NEK6: variants seen among roughly 807,000 people sequenced by gnomAD.
NEK6 encodes NIMA related kinase 6.
Under a neutral mutation model 43.5 loss-of-function variants are expected in NEK6, and 27 were observed. The ratio of observed to expected loss-of-function variants is 0.62; its 90% confidence interval spans 0.46 to 0.86. The LOEUF is 0.86. Ranked by LOEUF, NEK6 falls within the 40% of genes least tolerant of loss-of-function variation. NEK6 has a pLI of 0.00. For missense variants in NEK6, 318 were observed against 414.4 expected (o/e 0.77, Z 2.02); for synonymous variants, 167 against 164.1 (o/e 1.02, Z -0.14).
At chr9:124,337,395 A>G (rs1829351411) in intron 7 of NEK6, among the ~76,000 whole-genome samples, 1 of 152,098 alleles carries the variant, frequency 6.6e-6, no homozygotes, top group Admixed American at 6.5e-5. Context: ...CTTTTTCCTC[A>G]TTCACTTTTT....
At chr9:124,303,083 G>C (rs1833079613) in intron 2 of NEK6, among the ~76,000 whole-genome samples, 1 of 152,240 alleles carries the variant, frequency 6.6e-6, no homozygotes, top group African/African-American at 2.4e-5. Flanking sequence ...CAAGGCACCT[G>C]ATCCGGGGCC....
At chr9:124,287,710 G>A (rs1832226371) in intron 1 of NEK6, among the ~76,000 whole-genome samples, 2 of 152,074 alleles carry the variant, frequency 1.3e-5, no homozygotes, top group African/African-American at 4.8e-5. Flanking sequence ...GTATAACCCT[G>A]GATACTTGGG....
Position 124,339,677 on chromosome 9 carries a change from T to C in NEK6, c.717+12T>C, listed in dbSNP as rs1230957595. The stretch of plus-strand genomic sequence containing the variant: ...GTCTGCTGTACGAGGTGAGTCTCTG[T>C]CCGTGGCTCAGCAGCATTTGGTGGG... On this transcript the variant is annotated intron_variant, in intron 8 of 9. Transcript: ENST00000320246. The C allele has an allele frequency of 6.3e-7, 1 of 1,594,068 alleles. No homozygotes were observed. Among genetic ancestry groups the C allele is most frequent in the African/African-American group, 1.3e-5 (1 of 74,622 alleles).
chr9:124,325,455 C>T (rs908341351), intron 5 of NEK6, among the ~76,000 whole-genome samples: 2 of 152,220 alleles, frequency 1.3e-5, no homozygotes, highest in Non-Finnish European at 2.9e-5. Flanking sequence ...ACCAGCAGGC[C>T]CACAGCGCCG....
At chr9:124,322,266 G>GT (rs1834103934) in intron 5 of NEK6, among the ~76,000 whole-genome samples, 2 of 152,048 alleles carry the variant, frequency 1.3e-5, no homozygotes, top group Non-Finnish European at 2.9e-5. Flanking sequence ...TTGAGTGACT[G>GT]TTCGAGTCAC....
At chr9:124,280,298 A>AGTT (rs1831839648) in intron 1 of NEK6, among the ~76,000 whole-genome samples, 2 of 152,144 alleles carry the variant, frequency 1.3e-5, no homozygotes, top group African/African-American at 4.8e-5. Flanking sequence ...ACTGGGGCCC[A>AGTT]CCCTGCCCCT....
Position 124,321,582 on chromosome 9 carries a change from C to T in NEK6, c.405+13C>T, listed in dbSNP as rs368004939. 2.6e-5 allele frequency: 40 copies of T among 1,553,780 alleles called. No individual in the cohort carries two copies. The highest frequency in any genetic ancestry group is 2.8e-5 in the Non-Finnish European group (31 of 1,125,510). The stretch of plus-strand genomic sequence containing the variant: ...GCAGATGATCAAGGTGAGCGCCTGG[C>T]GGGGTGGGGGTGCTGGGGGCTGCGC... On this transcript the variant is annotated intron_variant, in intron 5 of 9. Transcript: ENST00000320246.
chr9:124,282,215 G>T lies in NEK6; in HGVS notation c.-29-19721G>T, dbSNP rs116085670. On this transcript the variant is annotated intron_variant, in intron 1 of 9. Coordinates refer to ENST00000320246, the MANE Select transcript of NEK6 (RefSeq NM_014397.6). The stretch of plus-strand genomic sequence containing the variant: ...TGGAGGCTCTGACAAAGCACCTGCC[G>T]TGCCTTTTTCTGGCTTCTGGCAGGC... Among the ~76,000 whole-genome samples, 423 of 152,334 alleles carry T rather than the reference G, an allele frequency of 2.8e-3. 2 individuals are homozygous for T. Among genetic ancestry groups the T allele is most frequent in the African/African-American group, 9.8e-3 (408 of 41,584 alleles).
chr9:124,299,571 G>A (rs1221460753), intron 1 of NEK6, among the ~76,000 whole-genome samples: 5 of 152,144 alleles, frequency 3.3e-5, no homozygotes, highest in African/African-American at 7.2e-5. Flanking sequence ...TGGAGACACC[G>A]AGGGTGCCAT....
chr9:124,349,336 A>AGCTGTGCAACTGGAGCT (rs1564668085), intron 9 of NEK6, among the ~76,000 whole-genome samples: 1 of 152,218 alleles, frequency 6.6e-6, no homozygotes, highest in Non-Finnish European at 1.5e-5. Context: ...AGAAGCTTGA[A>AGCTGTGCAACTGGAGCT]GCTGTGCAAC....
intron 1 of NEK6, 104 bp from the exon 2 acceptor site, chr9:124,301,832 T>C: frequency 1.1e-6 from 1 of 935,790 alleles, no homozygotes. Context: ...ACTGAACGGC[T>C]TTGCACCTCA....
At chr9:124,296,263 G>A (rs1391619989) in intron 1 of NEK6, among the ~76,000 whole-genome samples, 1 of 152,256 alleles carries the variant, frequency 6.6e-6, no homozygotes, top group East Asian at 1.9e-4. Flanking sequence ...GTGTGCCTGA[G>A]TGTGAAGCCA....
intron 7 of NEK6, 138 bp from the exon 8 acceptor site, chr9:124,339,433 A>C: frequency 1.4e-6 from 1 of 699,620 alleles, no homozygotes; most frequent in Non-Finnish European, 2.6e-6. Flanking sequence ...GCCCAGGCCC[A>C]GAGAGGGAGA....
intron 1 of NEK6, among the ~76,000 whole-genome samples, chr9:124,285,935 G>A (rs748735467): frequency 6.6e-6 from 1 of 152,224 alleles, no homozygotes; most frequent in Non-Finnish European, 1.5e-5. Flanking sequence ...TGCATAGAAC[G>A]ATGCTGGGTA....
chr9:124,350,621 G>C (rs1363633508), intron 9 of NEK6, among the ~76,000 whole-genome samples: 1 of 152,176 alleles, frequency 6.6e-6, no homozygotes, highest in Non-Finnish European at 1.5e-5. Context: ...TTTGGGACTA[G>C]ACAGGCCTGG....
In NEK6 at chr9:124,326,083, T is replaced by C. The variant is rs770396776; in HGVS notation, c.406-247T>C. 2.6e-5 allele frequency among the ~76,000 whole-genome samples: 4 copies of C among 152,226 alleles called. No individual in the cohort carries two copies. The highest frequency in any genetic ancestry group is 5.9e-5 in the Non-Finnish European group (4 of 68,034). On this transcript the variant is annotated intron_variant, in intron 5 of 9. Transcript: ENST00000320246. The surrounding 1 kb of genome is among the most constrained non-coding windows in gnomAD (Gnocchi z 4.5). ...GCCATCCGGACATGCCAGGCCTGCCTGGCCCTCACGGAGCTTGCTGGGTTG... is the reference window on the plus strand; with the variant it reads ...GCCATCCGGACATGCCAGGCCTGCCCGGCCCTCACGGAGCTTGCTGGGTTG...
intron 1 of NEK6, chr9:124,299,938 C>T (rs1303972810): frequency 1.3e-5 from 2 of 152,124 alleles, no homozygotes; most frequent in African/African-American, 4.8e-5. Flanking sequence ...TGGGCGTGTT[C>T]TGCAGTCCAT....
intron 1 of NEK6, among the ~76,000 whole-genome samples, chr9:124,270,792 A>T (rs1038249270): frequency 1.3e-5 from 2 of 152,238 alleles, no homozygotes; most frequent in Non-Finnish European, 2.9e-5. Flanking sequence ...CTGTGCTGCC[A>T]GCATGTGCTC....
Position 124,343,255 on chromosome 9 carries a change from C to G in NEK6, c.717+3590C>G, listed in dbSNP as rs867269221. 8.0e-5 allele frequency among the ~76,000 whole-genome samples: 2 copies of G among 25,010 alleles called. No homozygotes were observed. The highest frequency in any genetic ancestry group is 1.5e-4 in the Non-Finnish European group (2 of 13,440). 16.4% of individuals were successfully genotyped at this position (25,010 alleles called of 152,430 possible). On this transcript the variant is annotated intron_variant, in intron 8 of 9. Transcript: ENST00000320246. This position sits in a 1 kb window ranked among gnomAD's most constrained non-coding sequence, Gnocchi z 5.1. ...GGGCGGTGAGGGGACGGATCGCAGC[C>G]GGGGGGTGGTACGGGGGATGGATCG...
Sources: allele counts gnomAD v4.1 joint callset (sites outside exome capture counted in the v4.1 genomes callset), GRCh38; gene constraint gnomAD v4.1.1; non-coding constraint Gnocchi (gnomAD v3.1); transcripts MANE v1.5; gene names NCBI Gene and HGNC (gene_info 2026-07-23, HGNC 2026-07-21).